Variants in PLEKHH1 observed in about 807,000 individuals in gnomAD.
The protein encoded by PLEKHH1 is pleckstrin homology domain-containing family H member 1.
In PLEKHH1, 104 loss-of-function variants were observed where a neutral mutation model predicts 160.0. The observed-to-expected ratio is 0.65, with a 90% CI of 0.55 to 0.76. The LOEUF (loss-of-function observed/expected upper bound fraction) is 0.76. Among genes scored for constraint, PLEKHH1 ranks in the 30% least tolerant of loss-of-function variants. The pLI is 0.00. For missense variants in PLEKHH1, 1,427 were observed against 1,724.1 expected (o/e 0.83, Z 3.05); for synonymous variants, 619 against 678.4 (o/e 0.91, Z 1.36).
Position 67,555,974 on chromosome 14 carries a change from T to C in PLEKHH1, c.189+87T>C, listed in dbSNP as rs112270074. The C allele has an allele frequency of 3.5e-4, 532 of 1,518,156 alleles. 4 individuals are homozygous for C. In the African/African-American group the frequency reaches 5.8e-3, roughly 17 times the overall value. The allele number at this position is 1,518,156 out of a possible 1,614,324, so 94.0% of individuals were successfully genotyped here. On this transcript the variant is annotated intron_variant, in intron 3 of 28. Transcript: ENST00000329153. ...CTTCCCACGGACACAGGTGGACACA[T>C]ACATCACCAGCAGTACTGTGTTATA...
chr14:67,550,094 T>C (rs1286924887), intron 2 of PLEKHH1, among the ~76,000 whole-genome samples: 1 of 151,852 alleles, frequency 6.6e-6, no homozygotes, highest in African/African-American at 2.4e-5. Context: ...CCCAGCTCCG[T>C]ATTTGTGTAT....
chr14:67,544,126 A>G (rs777825550), intron 2 of PLEKHH1, among the ~76,000 whole-genome samples: 4 of 152,222 alleles, frequency 2.6e-5, no homozygotes, highest in Non-Finnish European at 4.4e-5. Flanking sequence ...TTTAAAAATA[A>G]AAAATGGTCA....
intron 7 of PLEKHH1, among the ~76,000 whole-genome samples, chr14:67,564,851 G>A (rs147579372): frequency 1.3e-5 from 2 of 152,114 alleles, no homozygotes; most frequent in African/African-American, 2.4e-5. Flanking sequence ...ACCATGCCCA[G>A]CTATTTTTTA....
At chr14:67,579,396 C>G in intron 21 of PLEKHH1, 85 bp downstream of exon 21, 1 of 1,112,682 alleles carries the variant, frequency 9.0e-7, no homozygotes, top group Non-Finnish European at 1.2e-6. Context: ...TCAGGCTTGG[C>G]AGATTGTTCA....
At position 67,578,320 on chromosome 14, in the gene PLEKHH1, G is replaced by A. The variant is rs1440132538; in HGVS notation, c.2751+121G>A. ...AGCCCAGCCAGCGGGCAGCCTCTGTGCTCCAAGCTGCATCAGTACGGCTGA... is the reference window on the plus strand; with the variant it reads ...AGCCCAGCCAGCGGGCAGCCTCTGTACTCCAAGCTGCATCAGTACGGCTGA... On this transcript the variant is annotated intron_variant, in intron 19 of 28. Coordinates refer to ENST00000329153, the MANE Select transcript of PLEKHH1 (RefSeq NM_020715.3). The surrounding 1 kb of genome is among the most constrained non-coding windows in gnomAD (Gnocchi z 5.0). The A allele has an allele frequency of 9.3e-6, 8 of 856,474 alleles. No homozygotes were observed. The highest frequency in any genetic ancestry group is 2.0e-5 in the Admixed American group (1 of 49,990). The allele number at this position is 856,474 out of a possible 1,614,324, so 53.1% of individuals were successfully genotyped here.
intron 2 of PLEKHH1, among the ~76,000 whole-genome samples, chr14:67,555,300 G>A (rs1337438799): frequency 1.3e-5 from 2 of 152,232 alleles, no homozygotes; most frequent in Non-Finnish European, 2.9e-5. Context: ...CAAATAAGGT[G>A]ATAGCCCTGA....
chr14:67,561,891 T>C, intron 5 of PLEKHH1, 63 bp from the exon 6 acceptor site: 1 of 1,223,438 alleles, frequency 8.2e-7, no homozygotes, highest in Non-Finnish European at 1.2e-6. Flanking sequence ...AAAAAAGAAT[T>C]GAAAAAATAC....
At chr14:67,550,540 G>A (rs943493737) in intron 2 of PLEKHH1, among the ~76,000 whole-genome samples, 40 of 152,340 alleles carry the variant, frequency 2.6e-4, no homozygotes, top group East Asian at 5.8e-4. Flanking sequence ...GGCTAAAACT[G>A]GGGGTTGCAA....
chr14:67,557,648 A>T lies in PLEKHH1; in HGVS notation c.339+230A>T, dbSNP rs542595470. Among the ~76,000 whole-genome samples, 8 of 152,382 alleles carry T rather than the reference A, an allele frequency of 5.2e-5. No individual in the cohort carries two copies. The South Asian group carries it at 1.7e-3, about 32-fold the overall frequency. On this transcript the variant is annotated intron_variant, in intron 4 of 28. Transcript: ENST00000329153. The stretch of plus-strand genomic sequence containing the variant: ...GAAAAAGGAGCTTGGAGGCAGACTG[A>T]TCTGGGTGTGAAGCCCACCTCTAGC...
intron 9 of PLEKHH1, 21 bp downstream of exon 9, chr14:67,570,033 G>T (rs2035296220): frequency 6.7e-7 from 1 of 1,484,496 alleles, no homozygotes; most frequent in South Asian, 1.2e-5. Flanking sequence ...GCTGCACAAA[G>T]AGGGGGTGTC....
At chr14:67,548,148 A>G (rs1192013755) in intron 2 of PLEKHH1, among the ~76,000 whole-genome samples, 1 of 152,220 alleles carries the variant, frequency 6.6e-6, no homozygotes, top group Non-Finnish European at 1.5e-5. Context: ...ATTCAGACCA[A>G]TTTAAAAATT....
At chr14:67,571,725 G>A (rs751019638) in intron 9 of PLEKHH1, 27 bp from the exon 10 acceptor site, 2 of 1,604,178 alleles carry the variant, frequency 1.2e-6, no homozygotes, top group Admixed American at 3.3e-5. Flanking sequence ...AGCCTGAGCT[G>A]CAGTGAGGGA....
intron 7 of PLEKHH1, among the ~76,000 whole-genome samples, chr14:67,567,064 C>A (rs2035134265): frequency 1.3e-5 from 2 of 152,144 alleles, no homozygotes; most frequent in Non-Finnish European, 2.9e-5. Context: ...TGTTTGCAAT[C>A]CCCTTTGTAA....
intron 2 of PLEKHH1, among the ~76,000 whole-genome samples, chr14:67,555,414 G>C (rs1196378481): frequency 3.9e-5 from 6 of 152,192 alleles, no homozygotes; most frequent in Non-Finnish European, 8.8e-5. Context: ...CGATGACACA[G>C]GGTGGGCCCT....
At position 67,576,499 on chromosome 14, in the gene PLEKHH1, T is replaced by A; in HGVS notation, c.2457T>A (p.Asp819Glu). Reference sequence around the variant, plus strand: ...GAAAACTGATGGATGGTGAAGGAGATCCAGGTAAGGCAAGGGTGGCCACCA... The same window carrying A: ...GAAAACTGATGGATGGTGAAGGAGAACCAGGTAAGGCAAGGGTGGCCACCA... The part of the protein sequence containing the change: ...LIGKLMDGEG[D>E]PDSPLWRHPM... The change falls in exon 17 of 29, where the codon GAT becomes GAA. Residue 819 changes from aspartate to glutamate, a missense_variant. Asp to Glu is a conservative substitution (Grantham distance 45, BLOSUM62 2). This residue lies in a region of PLEKHH1 where 436 missense variants were observed against 607.5 expected (regional missense o/e 0.72). Coordinates refer to ENST00000329153, the MANE Select transcript of PLEKHH1 (RefSeq NM_020715.3). The surrounding 1 kb of genome is among the most constrained non-coding windows in gnomAD (Gnocchi z 4.0). 1 of 1,547,596 alleles carries A rather than the reference T, an allele frequency of 6.5e-7. No homozygotes were observed. The highest frequency in any genetic ancestry group is 2.2e-5 in the East Asian group (1 of 44,510).
chr14:67,566,062 T>C (rs893455951), intron 7 of PLEKHH1, among the ~76,000 whole-genome samples: 3 of 152,202 alleles, frequency 2.0e-5, no homozygotes, highest in African/African-American at 7.2e-5. Flanking sequence ...AAGGTTGCAG[T>C]GAGCTGAGAT....
At position 67,574,592 on chromosome 14, in the gene PLEKHH1, G is replaced by A. The variant is rs75140101; in HGVS notation, c.2088+189G>A. On this transcript the variant is annotated intron_variant, in intron 14 of 28. Coordinates refer to ENST00000329153, the MANE Select transcript of PLEKHH1 (RefSeq NM_020715.3). The surrounding 1 kb of genome is among the most constrained non-coding windows in gnomAD (Gnocchi z 4.2). ...ACAAGGTGATGGCGAGTGATTCCCC[G>A]GAAACAAATCAGGGTTGTTGGAACA... Among the ~76,000 whole-genome samples, 663 of 152,296 alleles carry A rather than the reference G, an allele frequency of 4.4e-3. 8 individuals are homozygous for A. Among genetic ancestry groups the A allele is most frequent in the African/African-American group, 0.015 (640 of 41,548 alleles).
chr14:67,553,829 C>T (rs2034490782), intron 2 of PLEKHH1, among the ~76,000 whole-genome samples: 1 of 152,192 alleles, frequency 6.6e-6, no homozygotes, highest in African/African-American at 2.4e-5. Flanking sequence ...CCATCTGGCT[C>T]AAACCGATGC....
chr14:67,538,699 T>C (rs2033843191), intron 1 of PLEKHH1, among the ~76,000 whole-genome samples: 1 of 152,172 alleles, frequency 6.6e-6, no homozygotes. Flanking sequence ...CCTCACATGC[T>C]GAGGCAAGCC....
Sources: allele counts gnomAD v4.1 joint callset (sites outside exome capture counted in the v4.1 genomes callset), GRCh38; gene constraint gnomAD v4.1.1; regional missense constraint gnomAD v4.1.1; non-coding constraint Gnocchi (gnomAD v3.1); transcripts MANE v1.5; gene names NCBI Gene and HGNC (gene_info 2026-07-23, HGNC 2026-07-21).